USP34: variants seen among roughly 807,000 people sequenced by gnomAD.
USP34 encodes ubiquitin carboxyl-terminal hydrolase 34.
A neutral mutation model predicts 460.3 loss-of-function variants in USP34; 70 were observed. That is an observed-to-expected ratio of 0.15 (90% CI 0.13 to 0.19). The LOEUF (loss-of-function observed/expected upper bound fraction) is 0.19. USP34 is among the 10% of genes least tolerant of loss of function. USP34 has a pLI of 1.00. For missense variants in USP34, 3,985 were observed against 4,236.2 expected (o/e 0.94, Z 1.65); for synonymous variants, 1,647 against 1,405.3 (o/e 1.17, Z -3.85).
intron 7 of USP34, 31 bp from the exon 8 acceptor site, chr2:61,378,455 T>G: frequency 6.7e-7 from 1 of 1,499,760 alleles, no homozygotes; most frequent in Non-Finnish European, 9.1e-7. Context: ...TTAAGGGTTT[T>G]TATTTCCAAA....
chr2:61,374,196 A>T (rs1442909070), intron 8 of USP34, among the ~76,000 whole-genome samples: 1 of 150,560 alleles, frequency 6.6e-6, no homozygotes, highest in Non-Finnish European at 1.5e-5. Flanking sequence ...AATGAGGTTC[A>T]GAAGTGTTTA....
At chr2:61,442,189 C>T (rs1472888278) in intron 1 of USP34, among the ~76,000 whole-genome samples, 1 of 152,070 alleles carries the variant, frequency 6.6e-6, no homozygotes, top group Non-Finnish European at 1.5e-5. Flanking sequence ...TGCTTCAGGA[C>T]ATCGGTCTGG....
At chr2:61,279,019 A>C (rs1271833278) in intron 39 of USP34, among the ~76,000 whole-genome samples, 1 of 152,156 alleles carries the variant, frequency 6.6e-6, no homozygotes, top group Non-Finnish European at 1.5e-5. Flanking sequence ...AAAGAAACCC[A>C]AATCTCTAAA....
chr2:61,309,497 A>T (rs1690519687), intron 27 of USP34, among the ~76,000 whole-genome samples: 1 of 152,212 alleles, frequency 6.6e-6, no homozygotes, highest in Admixed American at 6.5e-5. Flanking sequence ...ATTGAGGGTT[A>T]TCATGACCAA....
At chr2:61,290,180 A>T (rs569659431) in intron 33 of USP34, among the ~76,000 whole-genome samples, 1 of 152,294 alleles carries the variant, frequency 6.6e-6, no homozygotes, top group East Asian at 1.9e-4. Flanking sequence ...AGAATAGCTC[A>T]AATTTTAAAA....
Position 61,301,473 on chromosome 2 carries a change from T to C in USP34, c.3818-19A>G, listed in dbSNP as rs1558518265. 3 of 1,598,212 alleles carry C rather than the reference T, an allele frequency of 1.9e-6. No homozygotes were observed. In the Admixed American group the frequency reaches 5.2e-5, roughly 28 times the overall value. On this transcript the variant is annotated intron_variant, in intron 27 of 79. Transcript: ENST00000398571. ...AGGCCTCCTTAAAAACAGCAAAACA[T>C]GGAAATGAATTTGTTTTTAAGAATT...
intron 57 of USP34, among the ~76,000 whole-genome samples, chr2:61,232,860 T>TCCCC (rs1165219820): frequency 1.5e-5 from 1 of 66,424 alleles, no homozygotes; most frequent in African/African-American, 6.0e-5. Context: ...ATATATATAT[T>TCCCC]CCCCCCCCCC....
At position 61,348,009 on chromosome 2, in the gene USP34, G is replaced by A. The variant is rs1691825155; in HGVS notation, c.2146C>T (p.Gln716Ter). Residue 716 changes from glutamine to a stop codon, truncating the protein, a stop_gained, in exon 15 of 80, where the codon CAA (glutamine) becomes TAA (stop). Coordinates refer to ENST00000398571, the MANE Select transcript of USP34 (RefSeq NM_014709.4). LOFTEE classifies it high-confidence loss of function. ...SGEMNATHIA[Q>*]GSQESCITRT... ...GTGATACAAGACTCCTGAGACCCTT[G>A]TGCTATATGAGTAGCATTCATTTCC... 6.2e-7 allele frequency: 1 copy of A among 1,613,982 alleles called. No individual in the cohort carries two copies. The highest frequency in any genetic ancestry group is 8.5e-7 in the Non-Finnish European group (1 of 1,180,016).
intron 51 of USP34, among the ~76,000 whole-genome samples, chr2:61,243,487 A>G (rs1688331580): frequency 1.3e-5 from 2 of 152,122 alleles, no homozygotes; most frequent in African/African-American, 4.8e-5. Context: ...AAAATATGTA[A>G]AAGAAAAAAA....
At chr2:61,298,537 C>CAAAAAAAAA (rs57087400) in intron 29 of USP34, among the ~76,000 whole-genome samples, 38 of 28,288 alleles carry the variant, frequency 1.3e-3, no homozygotes, top group Non-Finnish European at 1.7e-3. Flanking sequence ...GACTCTGTCT[C>CAAAAAAAAA]AAAAAAAAAA....
At chr2:61,399,588 G>T (rs141448521) in intron 3 of USP34, among the ~76,000 whole-genome samples, 1 of 151,560 alleles carries the variant, frequency 6.6e-6, no homozygotes, top group South Asian at 2.1e-4. Flanking sequence ...ACGAATTAAC[G>T]GTCCCGGGCG....
intron 1 of USP34, among the ~76,000 whole-genome samples, chr2:61,461,371 G>A (rs1415374778): frequency 6.7e-6 from 1 of 148,560 alleles, no homozygotes; most frequent in Non-Finnish European, 1.5e-5. Context: ...CCACCCTAGT[G>A]AACAAGAGCG....
At chr2:61,433,461 C>A (rs774444299) in intron 1 of USP34, among the ~76,000 whole-genome samples, 1 of 152,044 alleles carries the variant, frequency 6.6e-6, no homozygotes, top group Non-Finnish European at 1.5e-5. Context: ...AGGTGAAACC[C>A]CATCTCTACT....
intron 67 of USP34, among the ~76,000 whole-genome samples, chr2:61,218,085 A>G (rs544074704): frequency 1.6e-4 from 25 of 152,026 alleles, no homozygotes; most frequent in Non-Finnish European, 3.2e-4. Context: ...TGCAATGTAC[A>G]AGAATGCCAT....
intron 1 of USP34, among the ~76,000 whole-genome samples, chr2:61,429,920 G>C (rs1694617829): frequency 1.3e-5 from 2 of 151,502 alleles, no homozygotes; most frequent in Non-Finnish European, 2.9e-5. Flanking sequence ...ATTTGTAAAA[G>C]TACAAAAATT....
intron 43 of USP34, among the ~76,000 whole-genome samples, chr2:61,262,120 TATATATATATATAG>T (rs1688904447): frequency 2.0e-5 from 2 of 98,920 alleles, no homozygotes; most frequent in South Asian, 6.3e-4. Context: ...AAAAAAAATA[TATATATATATATAG>T]ATAGATAGAT....
At chr2:61,401,277 G>T (rs147552968) in intron 3 of USP34, among the ~76,000 whole-genome samples, 1 of 151,422 alleles carries the variant, frequency 6.6e-6, no homozygotes, top group Non-Finnish European at 1.5e-5. Flanking sequence ...TAAAGATAGG[G>T]TCCCACTCTG....
At chr2:61,314,789 G>A in intron 24 of USP34, 45 bp from the exon 25 acceptor site, 4 of 1,580,894 alleles carry the variant, frequency 2.5e-6, no homozygotes, top group African/African-American at 1.4e-5. Flanking sequence ...TTATATTCTT[G>A]TTTAGCTATA....
At chr2:61,263,167 C>A (rs1198949538) in intron 43 of USP34, among the ~76,000 whole-genome samples, 2 of 135,138 alleles carry the variant, frequency 1.5e-5, no homozygotes, top group Admixed American at 1.6e-4. Flanking sequence ...CACCACCACA[C>A]ATGGAATTTT....
Sources: gnomAD v4.1 joint callset for allele counts (sites outside exome capture counted in the v4.1 genomes callset) on GRCh38, gnomAD v4.1.1 for gene constraint, MANE v1.5 for transcripts, NCBI Gene and HGNC (gene_info 2026-07-23, HGNC 2026-07-21) for gene names.